SNX29: variants seen among roughly 807,000 people sequenced by gnomAD.
SNX29 encodes sorting nexin-29.
A neutral mutation model predicts 102.1 loss-of-function variants in SNX29; 78 were observed. The ratio of observed to expected loss-of-function variants is 0.76; its 90% confidence interval spans 0.64 to 0.92. The LOEUF is 0.92. Among genes scored for constraint, SNX29 ranks in the 40% least tolerant of loss-of-function variants. SNX29 has a pLI of 0.00. For synonymous variants in SNX29, 580 were observed against 414.5 expected (o/e 1.40, Z -4.85); for missense variants, 1,280 against 1,061.7 (o/e 1.21, Z -2.86).
chr16:12,496,045 CA>C (rs35546825), intron 19 of SNX29, among the ~76,000 whole-genome samples: 5 of 148,728 alleles, frequency 3.4e-5, no homozygotes, highest in Non-Finnish European at 6.0e-5. Flanking sequence ...GAGACTCTGT[CA>C]AAAAAAAAAT....
chr16:12,394,558 T>C (rs895851741), intron 16 of SNX29, among the ~76,000 whole-genome samples: 5 of 152,202 alleles, frequency 3.3e-5, no homozygotes, highest in Admixed American at 3.3e-4. Context: ...AGCTGGGTGG[T>C]TCTTTTACGT....
chr16:12,280,177 C>T (rs151109512), intron 15 of SNX29, among the ~76,000 whole-genome samples: 1 of 152,318 alleles, frequency 6.6e-6, no homozygotes, highest in African/African-American at 2.4e-5. Context: ...GCATCAGAAA[C>T]AGCAAGAACA....
At chr16:12,079,702 G>A (rs1461700929) in intron 11 of SNX29, among the ~76,000 whole-genome samples, 1 of 152,128 alleles carries the variant, frequency 6.6e-6, no homozygotes, top group African/African-American at 2.4e-5. Context: ...GAGATGTGAT[G>A]GAAATTTCTC....
intron 11 of SNX29, among the ~76,000 whole-genome samples, chr16:12,092,705 A>C (rs1313548419): frequency 2.0e-5 from 3 of 152,170 alleles, no homozygotes; most frequent in Non-Finnish European, 2.9e-5. Context: ...CTGTTCTGGG[A>C]AAGGAGCCAG....
intron 12 of SNX29, 24 bp downstream of exon 12, chr16:12,126,720 GA>G: frequency 1.2e-6 from 2 of 1,612,908 alleles, no homozygotes; most frequent in Non-Finnish European, 1.7e-6. Flanking sequence ...CAGGCTTGAG[GA>G]ATAGCCTCTT....
At chr16:12,553,328 A>G (rs540047571) in intron 20 of SNX29, among the ~76,000 whole-genome samples, 1 of 152,252 alleles carries the variant, frequency 6.6e-6, no homozygotes, top group African/African-American at 2.4e-5. Context: ...CGCCCTAACA[A>G]GGCAGGCAGA....
Position 12,445,100 on chromosome 16 carries a change from C to G in SNX29, c.2038-32619C>G, listed in dbSNP as rs531849829. Among the ~76,000 whole-genome samples, 23 of 152,176 alleles carry G rather than the reference C, an allele frequency of 1.5e-4. 1 individual carries two copies. In the South Asian group the frequency reaches 4.6e-3, roughly 30 times the overall value. ...TCCTGACCTGAAGTGATCTACCCAC[C>G]TCGGCCTCTCAAAGTGCTGGGATTA... On this transcript the variant is annotated intron_variant, in intron 18 of 20. Transcript: ENST00000566228.
At chr16:12,513,608 C>G (rs956028030) in intron 19 of SNX29, among the ~76,000 whole-genome samples, 1 of 152,196 alleles carries the variant, frequency 6.6e-6, no homozygotes, top group Non-Finnish European at 1.5e-5. Context: ...AGCCTCTCAG[C>G]CACGCCGTTG....
At chr16:12,129,844 C>A in intron 13 of SNX29, 86 bp downstream of exon 13, 1 of 1,439,716 alleles carries the variant, frequency 6.9e-7, no homozygotes, top group South Asian at 1.5e-5. Flanking sequence ...GTGGCTCATG[C>A]CTGTAATCCC....
At chr16:12,229,005 C>G (rs868187299) in intron 14 of SNX29, among the ~76,000 whole-genome samples, 3 of 152,228 alleles carry the variant, frequency 2.0e-5, no homozygotes, top group African/African-American at 7.2e-5. Context: ...CTCCCAAATG[C>G]CTTGCAGGGC....
At chr16:12,073,784 T>G (rs970563025) in intron 10 of SNX29, among the ~76,000 whole-genome samples, 1 of 152,124 alleles carries the variant, frequency 6.6e-6, no homozygotes, top group Non-Finnish European at 1.5e-5. Context: ...AGTCTCTCAT[T>G]ATTATTGTGT....
intron 20 of SNX29, among the ~76,000 whole-genome samples, chr16:12,558,464 C>T (rs1018054965): frequency 3.3e-5 from 5 of 152,186 alleles, no homozygotes; most frequent in South Asian, 2.1e-4. Flanking sequence ...GAACTTAATG[C>T]CATCCTTTAA....
At chr16:12,403,202 A>ATGTATG (rs1182093376) in intron 17 of SNX29, among the ~76,000 whole-genome samples, 1 of 70,882 alleles carries the variant, frequency 1.4e-5, no homozygotes, top group South Asian at 3.7e-4. Context: ...TTGTGTGTGT[A>ATGTATG]TGTGTGTGTG....
chr16:12,513,479 C>T (rs1337350182), intron 19 of SNX29, among the ~76,000 whole-genome samples: 2 of 151,992 alleles, frequency 1.3e-5, no homozygotes, highest in African/African-American at 2.4e-5. Context: ...CCTTCCGTAC[C>T]CTTGCAAAAC....
intron 16 of SNX29, among the ~76,000 whole-genome samples, chr16:12,380,185 G>GC (rs2083021214): frequency 6.6e-6 from 1 of 151,972 alleles, no homozygotes; most frequent in African/African-American, 2.4e-5. Context: ...AATGACCTTG[G>GC]TCTCGGTTCC....
chr16:12,295,402 G>A (rs771497590), intron 15 of SNX29, among the ~76,000 whole-genome samples: 6 of 152,146 alleles, frequency 3.9e-5, no homozygotes, highest in African/African-American at 7.2e-5. Flanking sequence ...TTGCCAAGTC[G>A]CCCACCACTT....
At chr16:12,235,542 A>G (rs781004764) in intron 14 of SNX29, among the ~76,000 whole-genome samples, 3 of 151,250 alleles carry the variant, frequency 2.0e-5, no homozygotes, top group South Asian at 4.2e-4. Context: ...CTGCCTTTCC[A>G]TTTTCCCAAG....
Position 12,572,602 on chromosome 16 carries a change from C to T in SNX29, c.*3973C>T, listed in dbSNP as rs1598143639. 9.4e-7 allele frequency: 1 copy of T among 1,064,384 alleles called. No individual in the cohort carries two copies. Among genetic ancestry groups the T allele is most frequent in the Non-Finnish European group, 1.1e-6 (1 of 878,650 alleles). 65.9% of individuals were successfully genotyped at this position (1,064,384 alleles called of 1,614,324 possible). ...GTTCTCTGGGCTCCCAGTGAGCCCCCTCCCCTCCGGCTACCCCCAGAATCC... is the reference window on the plus strand; with the variant it reads ...GTTCTCTGGGCTCCCAGTGAGCCCCTTCCCCTCCGGCTACCCCCAGAATCC... On this transcript the variant is annotated 3_prime_UTR_variant, in exon 21 of 21. Coordinates refer to ENST00000566228, the MANE Select transcript of SNX29 (RefSeq NM_032167.5).
intron 20 of SNX29, among the ~76,000 whole-genome samples, chr16:12,534,122 C>G (rs1357237188): frequency 6.6e-6 from 1 of 152,210 alleles, no homozygotes; most frequent in East Asian, 1.9e-4. Context: ...AGGTGCTAAC[C>G]AGGACAGCTC....
Sources: allele counts gnomAD v4.1 joint callset (sites outside exome capture counted in the v4.1 genomes callset), GRCh38; gene constraint gnomAD v4.1.1; transcripts MANE v1.5; gene names NCBI Gene and HGNC (gene_info 2026-07-23, HGNC 2026-07-21).